MYMX: variants seen among roughly 807,000 people sequenced by gnomAD.
MYMX encodes myomixer, myoblast fusion factor, also known as protein myomixer.
At chr6:44,210,236 G>C in the MYMX span, among the ~76,000 whole-genome samples, 17 of 150,668 alleles carry the variant, frequency 1.1e-4, no homozygotes, top group South Asian at 6.3e-4. Flanking sequence ...TGAGCCACCG[G>C]GCCCGGCCAA....
the MYMX span, among the ~76,000 whole-genome samples, chr6:44,208,984 G>A: frequency 7.2e-5 from 11 of 152,252 alleles, no homozygotes; most frequent in African/African-American, 2.4e-4. Flanking sequence ...CTTTTTTTGA[G>A]ACAGGGTCTT....
At chr6:44,205,270 C>A in the MYMX span, among the ~76,000 whole-genome samples, 1 of 151,898 alleles carries the variant, frequency 6.6e-6, no homozygotes, top group East Asian at 1.9e-4. Context: ...TGCGGGCAAC[C>A]CCCCAGGGTC....
At chr6:44,197,297 C>T in the MYMX span, among the ~76,000 whole-genome samples, 3 of 152,050 alleles carry the variant, frequency 2.0e-5, no homozygotes, top group African/African-American at 4.8e-5. Context: ...CTTTGGGAGG[C>T]GGAGGCAGGC....
rs1396878948 is a variant in MYMX at position 44,217,503 on chromosome 6, G to A, written c.32G>A (p.Arg11Gln). Reference protein sequence around the residue: MPTPLLPLLLRLLLSCLLLPA... With the variant: MPTPLLPLLLQLLLSCLLLPA... ...ACGCCACTGCTCCCGCTGCTGCTTC[G>A]ATTGCTGCTGTCCTGCCTGCTGCTG... is the stretch of plus-strand genomic sequence containing the variant. Residue 11 changes from arginine to glutamine, a missense_variant, in exon 2 of 2, where the codon CGA (arginine) becomes CAA (glutamine). Arg to Gln is a conservative substitution (Grantham distance 43). Transcript: ENST00000573382. The A allele has an allele frequency of 1.2e-5, 5 of 404,928 alleles. No homozygotes were observed. In the East Asian group the frequency reaches 1.4e-4, roughly 11 times the overall value. The allele number at this position is 404,928 out of a possible 1,614,324, so 25.1% of individuals were successfully genotyped here. A position where few individuals can be genotyped will look rare whatever the true frequency, so the allele number is the denominator to read the frequency against.
upstream of MYMX, among the ~76,000 whole-genome samples, chr6:44,213,578 C>A (rs6458374): frequency 6.6e-6 from 1 of 151,116 alleles, no homozygotes; most frequent in Non-Finnish European, 1.5e-5. Context: ...CGTGCCACCA[C>A]GCCCAGCTAA....
the MYMX span, among the ~76,000 whole-genome samples, chr6:44,203,459 G>A: frequency 6.6e-6 from 1 of 152,170 alleles, no homozygotes. Context: ...GACAGTTTCA[G>A]GATTTCCATT....
the MYMX span, among the ~76,000 whole-genome samples, chr6:44,201,865 C>T: frequency 6.7e-4 from 102 of 152,324 alleles, no homozygotes; most frequent in African/African-American, 1.1e-3. Flanking sequence ...TCTCAACTCC[C>T]GCTGTGCAAT....
the MYMX span, among the ~76,000 whole-genome samples, chr6:44,197,958 T>G: frequency 1.3e-5 from 2 of 152,094 alleles, no homozygotes; most frequent in African/African-American, 4.8e-5. Context: ...TGCAAATATC[T>G]CCTTCCAGCC....
chr6:44,198,386 C>T, the MYMX span, among the ~76,000 whole-genome samples: 1 of 151,734 alleles, frequency 6.6e-6, no homozygotes, highest in Non-Finnish European at 1.5e-5. Flanking sequence ...AGGATGGTCT[C>T]GATCTCCTGA....
upstream of MYMX, among the ~76,000 whole-genome samples, chr6:44,216,545 G>A (rs188126145): frequency 6.2e-4 from 94 of 151,574 alleles, 1 homozygote; most frequent in East Asian, 0.015. Context: ...CCAGCTACTT[G>A]GGAGGCTGAG....
the MYMX span, among the ~76,000 whole-genome samples, chr6:44,200,310 T>A: frequency 1.2e-4 from 19 of 152,242 alleles, no homozygotes; most frequent in Non-Finnish European, 1.8e-4. Context: ...TAGTTTTTTT[T>A]ATTTTATTTT....
the MYMX span, among the ~76,000 whole-genome samples, chr6:44,199,955 G>T: frequency 5.3e-5 from 8 of 152,276 alleles, no homozygotes; most frequent in East Asian, 1.5e-3. Context: ...AAAGTGTTGG[G>T]ATTACAGGCA....
chr6:44,212,014 A>G (rs905688532), upstream of MYMX, among the ~76,000 whole-genome samples: 1 of 152,052 alleles, frequency 6.6e-6, no homozygotes, highest in Non-Finnish European at 1.5e-5. Context: ...GGGTTTAGGC[A>G]ATCCTCCTGC....
the MYMX span, among the ~76,000 whole-genome samples, chr6:44,194,316 G>A: frequency 6.6e-6 from 1 of 152,144 alleles, no homozygotes; most frequent in African/African-American, 2.4e-5. Context: ...TTATTAAGAG[G>A]AAGATGGGGC....
the MYMX span, among the ~76,000 whole-genome samples, chr6:44,202,679 G>A: frequency 1.3e-5 from 2 of 152,112 alleles, no homozygotes; most frequent in Non-Finnish European, 2.9e-5. Flanking sequence ...GTCTGGGGCA[G>A]GCAAGGGAGG....
In MYMX at chr6:44,217,573, C is replaced by G. The variant is rs569049826; in HGVS notation, c.102C>G (p.Arg34=). 4.1e-4 allele frequency: 166 copies of G among 402,472 alleles called. 3 individuals carry two copies. In the Middle Eastern group the frequency reaches 0.016, roughly 40 times the overall value. The allele number at this position is 402,472 out of a possible 1,614,324, so 24.9% of individuals were successfully genotyped here. A position where few individuals can be genotyped will look rare whatever the true frequency, so the allele number is the denominator to read the frequency against. Residue 34 remains arginine, a synonymous_variant, in exon 2 of 2, where the codon CGC becomes CGG. Transcript: ENST00000573382. Reference sequence around the variant, plus strand: ...GCCAATACCTCCTGCCCCTGCTGCGCCGATTGGCCCGCCGCCTGGGCTCCC... The same window carrying G: ...GCCAATACCTCCTGCCCCTGCTGCGGCGATTGGCCCGCCGCCTGGGCTCCC... ...LARQYLLPLL[R]RLARRLGSQD...
At chr6:44,193,135 A>G in the MYMX span, among the ~76,000 whole-genome samples, 1 of 152,202 alleles carries the variant, frequency 6.6e-6, no homozygotes, top group African/African-American at 2.4e-5. Flanking sequence ...CTGTCAAGGA[A>G]GAGAACACTC....
At chr6:44,195,425 A>G in the MYMX span, among the ~76,000 whole-genome samples, 14 of 151,256 alleles carry the variant, frequency 9.3e-5, no homozygotes, top group Non-Finnish European at 1.9e-4. Flanking sequence ...AAAGGGAACC[A>G]CTCTCCTGAA....
Position 44,217,534 on chromosome 6 carries a change from T to C in MYMX, c.63T>C (p.Ala21=). The C allele has an allele frequency of 2.5e-6, 1 of 405,520 alleles. No individual in the cohort carries two copies. Among genetic ancestry groups the C allele is most frequent in the Non-Finnish European group, 4.3e-6 (1 of 230,016 alleles). 25.1% of individuals were successfully genotyped at this position (405,520 alleles called of 1,614,324 possible). The change falls in exon 2 of 2, where the codon GCT becomes GCC. Residue 21 remains alanine, a synonymous_variant. Transcript: ENST00000573382. Reference sequence around the variant, plus strand: ...TGCTGTCCTGCCTGCTGCTGCCTGCTGCCCGCCTGGCCCGCCAATACCTCC... The same window carrying C: ...TGCTGTCCTGCCTGCTGCTGCCTGCCGCCCGCCTGGCCCGCCAATACCTCC... The part of the protein sequence containing the change: ...RLLLSCLLLP[A]ARLARQYLLP...
Sources: allele counts gnomAD v4.1 joint callset (sites outside exome capture counted in the v4.1 genomes callset), GRCh38; gene constraint gnomAD v4.1.1; transcripts MANE v1.5; gene names NCBI Gene and HGNC (gene_info 2026-07-23, HGNC 2026-07-21).